Variants in EPB41 observed in about 807,000 individuals in gnomAD.
EPB41 encodes the protein protein 4.1.
Under a neutral mutation model 108.0 loss-of-function variants are expected in EPB41, and 65 were observed. The observed-to-expected ratio is 0.60, with a 90% CI of 0.49 to 0.74. The LOEUF is 0.74. EPB41 is among the 30% of genes least tolerant of loss of function. The pLI, the probability that EPB41 is intolerant of heterozygous loss-of-function variation, is 0.00. For synonymous variants in EPB41, 336 were observed against 358.9 expected (o/e 0.94, Z 0.72); for missense variants, 875 against 1,037.0 (o/e 0.84, Z 2.15).
At chr1:29,013,508 G>GT (rs1358842061) in intron 5 of EPB41, among the ~76,000 whole-genome samples, 3 of 151,976 alleles carry the variant, frequency 2.0e-5, no homozygotes, top group East Asian at 1.9e-4. Context: ...TTTAAATTTT[G>GT]TTTTTTGTGT....
rs752920448 is a variant in EPB41, at chr1:28,987,912, A to G, written c.468+7A>G. ...AAGCAGTGCAGAAACACAGGTAAGG[A>G]TGTGTGGATATGGGAGGTGGGCAAA... On this transcript the variant is annotated splice_region_variant and intron_variant, in intron 2 of 20. Transcript: ENST00000343067. 3.7e-6 allele frequency: 6 copies of G among 1,612,412 alleles called. No homozygotes were observed. The highest frequency in any genetic ancestry group is 1.1e-5 in the South Asian group (1 of 91,048).
At chr1:29,030,049 G>A (rs2096769234) in intron 7 of EPB41, among the ~76,000 whole-genome samples, 1 of 152,144 alleles carries the variant, frequency 6.6e-6, no homozygotes, top group East Asian at 1.9e-4. Context: ...AAAATTAGCG[G>A]GAGGAGCTTA....
At chr1:28,939,937 T>C (rs1471855632) in intron 1 of EPB41, among the ~76,000 whole-genome samples, 1 of 152,224 alleles carries the variant, frequency 6.6e-6, no homozygotes, top group South Asian at 2.1e-4. Flanking sequence ...ATCCATGTGA[T>C]AGAAACTAGG....
At chr1:29,104,471 A>G (rs1168119652) in intron 17 of EPB41, among the ~76,000 whole-genome samples, 1 of 152,196 alleles carries the variant, frequency 6.6e-6, no homozygotes, top group Non-Finnish European at 1.5e-5. Context: ...CTGGAGTTAC[A>G]GTGGCATGAC....
intron 7 of EPB41, among the ~76,000 whole-genome samples, chr1:29,019,940 G>A (rs2096623618): frequency 1.3e-5 from 2 of 152,124 alleles, no homozygotes; most frequent in Admixed American, 6.6e-5. Context: ...AGAACTGCAC[G>A]TTTGCTTTTT....
chr1:29,100,349 C>A (rs1664875312), intron 17 of EPB41, among the ~76,000 whole-genome samples: 1 of 79,422 alleles, frequency 1.3e-5, no homozygotes, highest in Non-Finnish European at 3.3e-5. Context: ...ACATCCCCAG[C>A]TACTCGGGAG....
intron 1 of EPB41, among the ~76,000 whole-genome samples, chr1:28,980,150 A>T (rs1430664926): frequency 6.6e-6 from 1 of 151,960 alleles, no homozygotes; most frequent in Admixed American, 6.6e-5. Flanking sequence ...CTGGCAAAAC[A>T]TGGTGAAACC....
chr1:28,932,320 G>A (rs1326185761), intron 1 of EPB41, among the ~76,000 whole-genome samples: 1 of 151,742 alleles, frequency 6.6e-6, no homozygotes, highest in Non-Finnish European at 1.5e-5. Context: ...ATGGAGTTTC[G>A]CCATGTTGGC....
intron 3 of EPB41, 115 bp downstream of exon 3, chr1:28,993,657 C>CTT (rs932117775): frequency 0.18 from 95,236 of 535,732 alleles, 6,763 homozygotes; most frequent in East Asian, 0.5. Context: ...TTTCTTTTTT[C>CTT]TTTTTTTTTT....
intron 16 of EPB41, chr1:29,070,435 C>T (rs12130351): frequency 0.058 from 71,450 of 1,232,062 alleles, 2,357 homozygotes; most frequent in Non-Finnish European, 0.065. Flanking sequence ...CTGAAAGAGC[C>T]TTGCCCCAGC....
chr1:28,906,787 T>C (rs1449432659), intron 1 of EPB41, among the ~76,000 whole-genome samples: 2 of 151,786 alleles, frequency 1.3e-5, no homozygotes, highest in African/African-American at 4.8e-5. Flanking sequence ...TTTCTTTTTT[T>C]TTTTTTGAGA....
At chr1:28,896,800 G>A (rs958416533) in intron 1 of EPB41, among the ~76,000 whole-genome samples, 5 of 146,546 alleles carry the variant, frequency 3.4e-5, no homozygotes, top group African/African-American at 1.3e-4. Flanking sequence ...ATCTTGGGCT[G>A]GGGACTGTGC....
Position 28,920,698 on chromosome 1 carries a change from G to A in EPB41, c.-8+5930G>A, listed in dbSNP as rs145656404. On this transcript the variant is annotated intron_variant, in intron 1 of 20. Coordinates refer to ENST00000343067, the MANE Select transcript of EPB41 (RefSeq NM_001376013.1). The stretch of plus-strand genomic sequence containing the variant: ...CCTGTCACCCAGGCTGGAGTGCAGT[G>A]GTGCGATCATGGCTCATTACAGCCT... Among the ~76,000 whole-genome samples, 468 of 152,184 alleles carry A rather than the reference G, an allele frequency of 3.1e-3. 1 individual carries two copies. The highest frequency in any genetic ancestry group is 9.1e-3 in the African/African-American group (379 of 41,516).
At chr1:28,993,655 T>TTA in intron 3 of EPB41, 113 bp downstream of exon 3, 57 of 876,484 alleles carry the variant, frequency 6.5e-5, no homozygotes, top group East Asian at 1.2e-4. Context: ...TATTTCTTTT[T>TTA]TCTTTTTTTT....
chr1:28,944,534 G>GTTTTTTTTTTTTTTTTTTTTTTTTTTTT lies in EPB41; in HGVS notation c.-8+29789_-8+29790insTTTTTTTTTTTTTTTTTTTTTTTTTTTT, dbSNP rs55849161. 4.1e-5 allele frequency among the ~76,000 whole-genome samples: 4 copies of GTTTTTTTTTTTTTTTTTTTTTTTTTTTT among 97,400 alleles called. 1 individual carries two copies. The highest frequency in any genetic ancestry group is 3.4e-4 in the South Asian group (1 of 2,968). The allele number at this position is 97,400 out of a possible 152,430, so 63.9% of individuals were successfully genotyped here. On this transcript the variant is annotated intron_variant, in intron 1 of 20. Coordinates refer to ENST00000343067, the MANE Select transcript of EPB41 (RefSeq NM_001376013.1). The stretch of plus-strand genomic sequence containing the variant: ...ATTAAACATAAAACTCTCAGATCTG[G>GTTTTTTTTTTTTTTTTTTTTTTTTTTTT]TTTTTTTTTTTTTTTTTTTTTTTGA...
At chr1:28,972,023 C>T (rs1052425702) in intron 1 of EPB41, among the ~76,000 whole-genome samples, 3 of 152,052 alleles carry the variant, frequency 2.0e-5, no homozygotes, top group African/African-American at 7.2e-5. Context: ...GGCTCACCAC[C>T]CCATACCCAC....
chr1:28,954,537 G>A (rs2094868919), intron 1 of EPB41, among the ~76,000 whole-genome samples: 1 of 152,144 alleles, frequency 6.6e-6, no homozygotes, highest in Non-Finnish European at 1.5e-5. Flanking sequence ...AGTCGTTTTT[G>A]GAGACATGCC....
At chr1:29,068,944 A>T (rs1269693832) in intron 16 of EPB41, among the ~76,000 whole-genome samples, 1 of 152,160 alleles carries the variant, frequency 6.6e-6, no homozygotes, top group Non-Finnish European at 1.5e-5. Flanking sequence ...CCTAACACAT[A>T]ACACTTCCAC....
At chr1:28,949,808 T>G (rs2094635439) in intron 1 of EPB41, among the ~76,000 whole-genome samples, 1 of 152,070 alleles carries the variant, frequency 6.6e-6, no homozygotes, top group Non-Finnish European at 1.5e-5. Flanking sequence ...TCTACCATAT[T>G]GGCCAGGGTG....
Sources: gnomAD v4.1 joint callset for allele counts (sites outside exome capture counted in the v4.1 genomes callset) on GRCh38, gnomAD v4.1.1 for gene constraint, MANE v1.5 for transcripts, NCBI Gene and HGNC (gene_info 2026-07-23, HGNC 2026-07-21) for gene names.